WIPF3: variants seen among roughly 807,000 people sequenced by gnomAD.
The protein encoded by WIPF3 is WAS/WASL-interacting protein family member 3.
In WIPF3, 33 loss-of-function variants were observed where a neutral mutation model predicts 38.9. That is an observed-to-expected ratio of 0.85 (90% CI 0.64 to 1.14). The LOEUF is 1.14. Among genes scored for constraint, WIPF3 ranks in the 50% most tolerant of loss-of-function variants. The probability of loss-of-function intolerance (pLI) is 0.00; values close to 1 mark genes in which losing one functional copy is unlikely to be tolerated. For synonymous variants in WIPF3, 324 were observed against 269.3 expected (o/e 1.20, Z -1.99); for missense variants, 711 against 652.5 (o/e 1.09, Z -0.98).
chr7:29,807,417 T>TC (rs1284155863), intron 1 of WIPF3, among the ~76,000 whole-genome samples: 1 of 152,014 alleles, frequency 6.6e-6, no homozygotes, highest in Admixed American at 6.6e-5. Flanking sequence ...AGAGCAGATT[T>TC]CCCCCAGCCC....
chr7:29,910,392 T>C (rs1003672069), intron 8 of WIPF3, among the ~76,000 whole-genome samples: 27 of 152,098 alleles, frequency 1.8e-4, no homozygotes, highest in Admixed American at 9.8e-4. Flanking sequence ...TTCCAAAAAA[T>C]TGAAGAGGAG....
chr7:29,845,712 G>A (rs1050383460), intron 2 of WIPF3, among the ~76,000 whole-genome samples: 3 of 152,202 alleles, frequency 2.0e-5, no homozygotes, highest in Non-Finnish European at 4.4e-5. Flanking sequence ...GACCAGAGTC[G>A]GATGAGGGAT....
At chr7:29,896,613 CA>C (rs1041759931) in intron 7 of WIPF3, among the ~76,000 whole-genome samples, 11 of 150,446 alleles carry the variant, frequency 7.3e-5, no homozygotes, top group South Asian at 2.1e-4. Flanking sequence ...AAGACTGTCT[CA>C]AAAAAAAAAT....
intron 7 of WIPF3, 42 bp downstream of exon 7, chr7:29,889,449 T>G: frequency 6.6e-7 from 1 of 1,521,080 alleles, no homozygotes; most frequent in Non-Finnish European, 9.1e-7. Context: ...CTCCCGACCC[T>G]TCAAAATTAG....
chr7:29,887,995 A>G (rs1785917015), intron 5 of WIPF3, 73 bp from the exon 6 acceptor site: 2 of 1,574,254 alleles, frequency 1.3e-6, no homozygotes, highest in African/African-American at 1.4e-5. Context: ...GAAATGCCTA[A>G]TATCTCACAT....
At chr7:29,905,952 A>G (rs1786388473) in intron 8 of WIPF3, 1 of 152,210 alleles carries the variant, frequency 6.6e-6, no homozygotes. Context: ...CTCAGAAAAG[A>G]CCAAGAAGAC....
At chr7:29,842,821 A>G (rs969069752) in intron 2 of WIPF3, among the ~76,000 whole-genome samples, 1 of 152,200 alleles carries the variant, frequency 6.6e-6, no homozygotes, top group Non-Finnish European at 1.5e-5. Context: ...ATATTGCACC[A>G]TATTCTGGAA....
At chr7:29,876,107 G>A in intron 3 of WIPF3, 145 bp downstream of exon 3, 1 of 1,112,256 alleles carries the variant, frequency 9.0e-7, no homozygotes. Context: ...GACAGGCCAA[G>A]TGGGCGAGAG....
intron 7 of WIPF3, among the ~76,000 whole-genome samples, chr7:29,891,927 G>A (rs1316991165): frequency 6.6e-6 from 1 of 152,154 alleles, no homozygotes; most frequent in African/African-American, 2.4e-5. Context: ...TGATTGTGCT[G>A]GGTGCATGTA....
chr7:29,872,871 C>T (rs1320383981), intron 2 of WIPF3, among the ~76,000 whole-genome samples: 1 of 148,656 alleles, frequency 6.7e-6, no homozygotes, highest in East Asian at 2.0e-4. Flanking sequence ...GGGCGCTCAT[C>T]AGGGCCGACA....
chr7:29,814,522 G>T (rs537917604), intron 1 of WIPF3, among the ~76,000 whole-genome samples: 1 of 152,328 alleles, frequency 6.6e-6, no homozygotes, highest in African/African-American at 2.4e-5. Flanking sequence ...AGACTGATGT[G>T]CTTGTCGAAG....
At position 29,853,161 on chromosome 7, in the gene WIPF3, G is replaced by A. The variant is rs372913057; in HGVS notation, c.90+18347G>A. Among the ~76,000 whole-genome samples, 15 of 152,302 alleles carry A rather than the reference G, an allele frequency of 9.8e-5. 1 individual carries two copies. The highest frequency in any genetic ancestry group is 3.4e-4 in the African/African-American group (14 of 41,558). ...TACGGGGAACTGGGGCTGCACCCCT[G>A]CTGTATCCTGGAGAGACTGTGTGGA... On this transcript the variant is annotated intron_variant, in intron 2 of 8. Transcript: ENST00000242140.
intron 7 of WIPF3, among the ~76,000 whole-genome samples, chr7:29,892,293 C>A (rs2128078245): frequency 6.6e-6 from 1 of 152,146 alleles, no homozygotes; most frequent in East Asian, 1.9e-4. Flanking sequence ...GCCAAGGGAC[C>A]CCCTTCATCA....
rs1450306179 is a variant in WIPF3 at position 29,884,362 on chromosome 7, C to T, written c.868C>T (p.Pro290Ser). 5.2e-6 allele frequency: 7 copies of T among 1,345,398 alleles called. No homozygotes were observed. In the South Asian group the frequency reaches 5.5e-5, roughly 11 times the overall value. The allele number at this position is 1,345,398 out of a possible 1,614,324, so 83.3% of individuals were successfully genotyped here. The change falls in exon 5 of 9, where the codon CCC (proline) becomes TCC (serine). Residue 290 changes from proline to serine, a missense_variant. Pro to Ser is a moderately conservative substitution (Grantham distance 74). Transcript: ENST00000242140. The part of the protein sequence containing the change: ...ASPAQDAQEP[P>S]APPPPLPPYA... ...CCCTGCGCAAGATGCGCAGGAGCCT[C>T]CCGCCCCGCCGCCCCCGCTCCCCCC...
intron 2 of WIPF3, among the ~76,000 whole-genome samples, chr7:29,858,287 C>G (rs1344668134): frequency 6.6e-6 from 1 of 152,198 alleles, no homozygotes; most frequent in Non-Finnish European, 1.5e-5. Context: ...TCTCCCCTCA[C>G]CCCACCCTCA....
chr7:29,875,948 C>A lies in WIPF3; in HGVS notation c.209C>A (p.Ala70Asp), dbSNP rs780276647. Residue 70 changes from alanine (A) to aspartate (D), a missense_variant, in exon 3 of 9, where the codon GCC becomes GAC. Physicochemically the swap from Ala to Asp is moderately radical, Grantham distance 126. Transcript: ENST00000242140. ...RKVTQINDRS[A>D]PQIESSKGTN... ...GTCACGCAGATCAACGACCGCAGTG[C>A]CCCGCAGATCGAGAGTAAGTGAGCA... The A allele has an allele frequency of 5.0e-6, 8 of 1,613,676 alleles. No individual in the cohort carries two copies. The highest frequency in any genetic ancestry group is 1.7e-4 in the Middle Eastern group (1 of 5,962).
chr7:29,914,145 A>C (rs1324961741), intron 8 of WIPF3, among the ~76,000 whole-genome samples: 2 of 152,192 alleles, frequency 1.3e-5, no homozygotes, highest in African/African-American at 4.8e-5. Context: ...CTGAATGCCT[A>C]AATCGGTTTC....
At chr7:29,840,533 T>C (rs576150355) in intron 2 of WIPF3, among the ~76,000 whole-genome samples, 169 of 152,336 alleles carry the variant, frequency 1.1e-3, no homozygotes, top group Non-Finnish European at 1.9e-3. Flanking sequence ...CTCAACTCAC[T>C]GAATGAATGA....
intron 6 of WIPF3, 108 bp downstream of exon 6, chr7:29,888,325 G>C (rs1785928409): frequency 6.4e-6 from 9 of 1,403,676 alleles, no homozygotes; most frequent in Non-Finnish European, 8.6e-6. Flanking sequence ...CAGGGTGCAT[G>C]CTTCTTTCAT....
Sources: gnomAD v4.1 joint callset for allele counts (sites outside exome capture counted in the v4.1 genomes callset) on GRCh38, gnomAD v4.1.1 for gene constraint, MANE v1.5 for transcripts, NCBI Gene and HGNC (gene_info 2026-07-23, HGNC 2026-07-21) for gene names.